GPHN: variants seen among roughly 807,000 people sequenced by gnomAD.
GPHN encodes gephyrin.
A neutral mutation model predicts 95.5 loss-of-function variants in GPHN; 17 were observed. The observed-to-expected ratio is 0.18, with a 90% confidence interval of 0.12 to 0.27. The LOEUF (loss-of-function observed/expected upper bound fraction) is 0.27. GPHN is among the 10% of genes least tolerant of loss of function. The pLI is 1.00. For synonymous variants in GPHN, 320 were observed against 322.5 expected, an observed-to-expected ratio of 0.99 and a Z score of 0.08; for missense variants, 660 against 978.1, an observed-to-expected ratio of 0.67 and a Z score of 4.34.
chr14:67,402,550 T>G, the GPHN span, among the ~76,000 whole-genome samples: 1 of 152,190 alleles, frequency 6.6e-6, no homozygotes, highest in Non-Finnish European at 1.5e-5. Context: ...TTTGTACCCA[T>G]TAACCATTCC....
chr14:67,231,330 A>AT, the GPHN span, among the ~76,000 whole-genome samples: 18 of 151,400 alleles, frequency 1.2e-4, no homozygotes, highest in Non-Finnish European at 2.4e-4. Context: ...AAATGTTCTT[A>AT]TTTTTTTTTG....
At position 67,180,665 on chromosome 14, in the gene GPHN, A is replaced by G. The variant is rs541444434; in HGVS notation, c.2177-139A>G. Reference sequence around the variant, plus strand: ...ATATAATAGCATGGCCACCTGAAAAAGGTACTGGAAAGTTTGATCATCCCT... The same window carrying G: ...ATATAATAGCATGGCCACCTGAAAAGGGTACTGGAAAGTTTGATCATCCCT... On this transcript the variant is annotated intron_variant, in intron 22 of 22. Coordinates refer to ENST00000478722, the MANE Select transcript of GPHN (RefSeq NM_020806.5). The G allele has an allele frequency of 1.2e-3, 859 of 744,314 alleles. 5 individuals carry two copies. The African/African-American group carries it at 0.014, about 12-fold the overall frequency. The allele number at this position is 744,314 out of a possible 1,614,324, so 46.1% of individuals were successfully genotyped here.
At chr14:67,188,706 G>T in the GPHN span, among the ~76,000 whole-genome samples, 7 of 152,136 alleles carry the variant, frequency 4.6e-5, no homozygotes, top group African/African-American at 1.7e-4. Context: ...CCAATCAAGT[G>T]CATTGAACCA....
At chr14:66,513,336 A>G (rs1436810294) in intron 1 of GPHN, among the ~76,000 whole-genome samples, 1 of 151,820 alleles carries the variant, frequency 6.6e-6, no homozygotes, top group African/African-American at 2.4e-5. Flanking sequence ...ATACATTAAA[A>G]ACACATACAA....
chr14:67,726,408 G>A, the GPHN span, among the ~76,000 whole-genome samples: 1 of 152,198 alleles, frequency 6.6e-6, no homozygotes, highest in South Asian at 2.1e-4. Context: ...TCTTGGATGG[G>A]GCAGTGGCAG....
At chr14:67,359,861 C>T in the GPHN span, 1 of 748,422 alleles carries the variant, frequency 1.3e-6, no homozygotes, top group Non-Finnish European at 2.2e-6. Context: ...TTCACTTCCG[C>T]TTCCGGTTGT....
chr14:67,493,400 C>A, the GPHN span, among the ~76,000 whole-genome samples: 4 of 152,132 alleles, frequency 2.6e-5, no homozygotes, highest in African/African-American at 9.7e-5. Flanking sequence ...GCGGTCCAAC[C>A]CCAGCCAACA....
At chr14:67,721,930 T>C in the GPHN span, among the ~76,000 whole-genome samples, 1 of 152,268 alleles carries the variant, frequency 6.6e-6, no homozygotes, top group Admixed American at 6.5e-5. Context: ...ATACCTTTCC[T>C]TGTAATATGC....
At chr14:66,734,006 C>A (rs1260087185) in intron 2 of GPHN, among the ~76,000 whole-genome samples, 1 of 152,140 alleles carries the variant, frequency 6.6e-6, no homozygotes, top group Non-Finnish European at 1.5e-5. Flanking sequence ...AAAATAACAT[C>A]AAATCCAACT....
chr14:66,870,625 A>T (rs886220121), intron 4 of GPHN, among the ~76,000 whole-genome samples: 2 of 152,202 alleles, frequency 1.3e-5, no homozygotes, highest in Non-Finnish European at 2.9e-5. Flanking sequence ...ATACAACAGA[A>T]TTTTTAAAAA....
intron 5 of GPHN, among the ~76,000 whole-genome samples, chr14:66,898,466 T>TAAAAAAAAAAA (rs59434196): frequency 1.1e-5 from 1 of 91,756 alleles, no homozygotes; most frequent in South Asian, 4.8e-4. Flanking sequence ...GCTACTTGTT[T>TAAAAAAAAAAA]AAAAAAAAAA....
At chr14:66,582,831 G>A (rs1484985664) in intron 1 of GPHN, among the ~76,000 whole-genome samples, 2 of 152,076 alleles carry the variant, frequency 1.3e-5, no homozygotes, top group African/African-American at 4.8e-5. Flanking sequence ...TGTGAATAGT[G>A]CCGCAATAAA....
chr14:66,803,432 A>G (rs1006859739), intron 3 of GPHN, among the ~76,000 whole-genome samples: 1 of 152,198 alleles, frequency 6.6e-6, no homozygotes, highest in Non-Finnish European at 1.5e-5. Context: ...TTTTTTGTGT[A>G]GATAGTTGTT....
chr14:66,760,540 C>T (rs769056879), intron 2 of GPHN: 9 of 277,726 alleles, frequency 3.2e-5, no homozygotes, highest in African/African-American at 6.9e-5. Context: ...ACATGCATAT[C>T]GAGAAGTGTT....
the GPHN span, among the ~76,000 whole-genome samples, chr14:67,561,308 T>G: frequency 6.6e-6 from 1 of 152,160 alleles, no homozygotes; most frequent in Non-Finnish European, 1.5e-5. Context: ...AGCAGCACTT[T>G]GGGAGACCTA....
At chr14:66,677,836 C>T (rs777684836) in intron 1 of GPHN, among the ~76,000 whole-genome samples, 1 of 152,100 alleles carries the variant, frequency 6.6e-6, no homozygotes. Flanking sequence ...CATTTGGACA[C>T]ACATTTTTGA....
At chr14:66,981,019 A>C (rs1435626866) in intron 9 of GPHN, among the ~76,000 whole-genome samples, 1 of 152,234 alleles carries the variant, frequency 6.6e-6, no homozygotes, top group African/African-American at 2.4e-5. Flanking sequence ...ATTACATTCC[A>C]GCCTGGGCAA....
the GPHN span, among the ~76,000 whole-genome samples, chr14:67,563,743 T>C: frequency 6.7e-6 from 1 of 149,864 alleles, no homozygotes; most frequent in East Asian, 2.0e-4. Context: ...TTTTTTTTTT[T>C]TTTTTTTCGA....
At chr14:67,023,592 G>A (rs1339596903) in intron 9 of GPHN, 41 bp from the exon 10 acceptor site, 3 of 1,565,058 alleles carry the variant, frequency 1.9e-6, no homozygotes, top group Non-Finnish European at 2.6e-6. Context: ...GCCTATTCAT[G>A]CTATAAACCC....
Sources: allele counts gnomAD v4.1 joint callset (sites outside exome capture counted in the v4.1 genomes callset), GRCh38; gene constraint gnomAD v4.1.1; transcripts MANE v1.5; gene names NCBI Gene and HGNC (gene_info 2026-07-23, HGNC 2026-07-21).